ATG2A: variants seen among roughly 807,000 people sequenced by gnomAD.
ATG2A encodes the protein autophagy related 2A.
ATG2A carries 103 observed loss-of-function variants against 214.2 expected under a neutral mutation model. The observed-to-expected ratio is 0.48, with a 90% CI of 0.41 to 0.57. The LOEUF (loss-of-function observed/expected upper bound fraction) is 0.57. Among genes scored for constraint, ATG2A ranks in the 20% least tolerant of loss-of-function variants. ATG2A has a pLI of 0.00. For missense variants in ATG2A, 2,312 were observed against 2,613.2 expected (o/e 0.88, Z 2.51); for synonymous variants, 1,160 against 1,142.1 (o/e 1.02, Z -0.32).
Position 64,916,978 on chromosome 11 carries a change from T to C in ATG2A, c.158A>G (p.His53Arg). The C allele has an allele frequency of 6.2e-7, 1 of 1,613,488 alleles. No homozygotes were observed. ...CTGGCTCCTCACCCAGATTTCCAGG[T>C]GGATGTCTCGCAGGGCAACGCTGCC... The part of the protein sequence containing the change: ...YKGSVALRDI[H>R]LEIWSVNEVL... Residue 53 changes from histidine to arginine, a missense_variant, in exon 1 of 41, where the codon CAC (histidine) becomes CGC (arginine). Physicochemically the swap from His to Arg is conservative, Grantham distance 29 (BLOSUM62 0). Transcript: ENST00000377264.
intron 37 of ATG2A, 81 bp downstream of exon 37, chr11:64,897,331 C>G: frequency 1.3e-6 from 2 of 1,497,334 alleles, no homozygotes; most frequent in Non-Finnish European, 1.8e-6. Flanking sequence ...GATGACTTGG[C>G]CAAGGCCACA....
At position 64,895,063 on chromosome 11, in the gene ATG2A, G is replaced by C; in HGVS notation, c.5727C>G (p.Ser1909=). Residue 1909 remains serine (S), a synonymous_variant, in exon 41 of 41, where the codon TCC becomes TCG. Coordinates refer to ENST00000377264, the MANE Select transcript of ATG2A (RefSeq NM_015104.3). This position sits in a 1 kb window ranked among gnomAD's most constrained non-coding sequence, Gnocchi z 5.0. ...GGTTGCGCATGCCCCCGAGCAGGCT[G>C]GACGTGGCCTCCGTGGCCAGGATGA... The part of the protein sequence containing the change: ...KPLILATEAT[S]SLLGGMRNQI... The C allele has an allele frequency of 6.2e-7, 1 of 1,613,262 alleles. No homozygotes were observed. Among genetic ancestry groups the C allele is most frequent in the Non-Finnish European group, 8.5e-7 (1 of 1,179,794 alleles).
In ATG2A at chr11:64,897,699, T is replaced by G; in HGVS notation, c.5039A>C (p.His1680Pro). 6.2e-7 allele frequency: 1 copy of G among 1,614,208 alleles called. No individual in the cohort carries two copies. Among genetic ancestry groups the G allele is most frequent in the South Asian group, 1.1e-5 (1 of 91,084 alleles). The change falls in exon 36 of 41, where the codon CAT (histidine) becomes CCT (proline). Residue 1680 changes from histidine to proline, a missense_variant. By Grantham distance (77) the His-to-Pro change is moderately conservative. Coordinates refer to ENST00000377264, the MANE Select transcript of ATG2A (RefSeq NM_015104.3). ...CTGGTCCATCGTGACGTGCTTGCCA[T>G]GGTAATCCAGCCAGATGGGGACCTC... ...TSEVPIWLDYHGKHVTMDQVG... is the reference protein window; with the variant it reads ...TSEVPIWLDYPGKHVTMDQVG...
In ATG2A at chr11:64,895,812, A is replaced by G. The variant is rs1286059145; in HGVS notation, c.5428-370T>C. 6.6e-6 allele frequency among the ~76,000 whole-genome samples: 1 copy of G among 152,080 alleles called. No individual in the cohort carries two copies. Among genetic ancestry groups the G allele is most frequent in the Admixed American group, 6.6e-5 (1 of 15,266 alleles). ...CCAGACGCCCCTGCCAGATGGTCAG[A>G]GGCCCATCCTTCCTTCTGTCTGCCA... On this transcript the variant is annotated intron_variant, in intron 39 of 40. Transcript: ENST00000377264. This position sits in a 1 kb window ranked among gnomAD's most constrained non-coding sequence, Gnocchi z 5.0.
chr11:64,903,568 G>A lies in ATG2A; in HGVS notation c.3535+22C>T. The A allele has an allele frequency of 1.3e-6, 2 of 1,538,468 alleles. No homozygotes were observed. The highest frequency in any genetic ancestry group is 1.2e-5 in the South Asian group (1 of 83,128). Reference sequence around the variant, plus strand: ...GCGGTGGTCCCTCAGAGGGGAGGGAGCCCAGTCCCGGCCCTGCCCACCTCG... The same window carrying A: ...GCGGTGGTCCCTCAGAGGGGAGGGAACCCAGTCCCGGCCCTGCCCACCTCG... On this transcript the variant is annotated intron_variant, in intron 25 of 40. Transcript: ENST00000377264. This position sits in a 1 kb window ranked among gnomAD's most constrained non-coding sequence, Gnocchi z 4.2.
rs368967269 is a variant in ATG2A, at chr11:64,903,248, C to A, written c.3612+40G>T. On this transcript the variant is annotated intron_variant, in intron 26 of 40. Coordinates refer to ENST00000377264, the MANE Select transcript of ATG2A (RefSeq NM_015104.3). The surrounding 1 kb of genome is among the most constrained non-coding windows in gnomAD (Gnocchi z 4.2). ...CTGAAGACTCCCTTGGCCCCTGCACCTGCTGTGGCTCCAGGAGCCAGAGTG... is the reference window on the plus strand; with the variant it reads ...CTGAAGACTCCCTTGGCCCCTGCACATGCTGTGGCTCCAGGAGCCAGAGTG... The A allele has an allele frequency of 1.5e-5, 24 of 1,598,362 alleles. No homozygotes were observed. Among genetic ancestry groups the A allele is most frequent in the Non-Finnish European group, 2.0e-5 (23 of 1,166,700 alleles).
In ATG2A at chr11:64,912,436, G is replaced by T; in HGVS notation, c.826-13C>A. On this transcript the variant is annotated splice_polypyrimidine_tract_variant and intron_variant, in intron 6 of 40. Coordinates refer to ENST00000377264, the MANE Select transcript of ATG2A (RefSeq NM_015104.3). ...CCGCCACCTCCAACTGGGGGCCAAG[G>T]AGGCAGCCATGGAGCCTAGGCCCAC... 1 of 1,544,704 alleles carries T rather than the reference G, an allele frequency of 6.5e-7. No individual in the cohort carries two copies. Among genetic ancestry groups the T allele is most frequent in the Non-Finnish European group, 8.7e-7 (1 of 1,145,006 alleles).
Position 64,903,056 on chromosome 11 carries a change from G to A in ATG2A, c.3612+232C>T, listed in dbSNP as rs372953852. On this transcript the variant is annotated intron_variant, in intron 26 of 40. Transcript: ENST00000377264. The surrounding 1 kb of genome is among the most constrained non-coding windows in gnomAD (Gnocchi z 4.2). ...GCCTCGCTGGTGCCCTGGCTGCCGCGTCCTCTGGTGGCAGGGCTGAAACCC... is the reference window on the plus strand; with the variant it reads ...GCCTCGCTGGTGCCCTGGCTGCCGCATCCTCTGGTGGCAGGGCTGAAACCC... Among the ~76,000 whole-genome samples the A allele has an allele frequency of 6.6e-6, 1 of 152,164 alleles. No homozygotes were observed. The highest frequency in any genetic ancestry group is 6.5e-5 in the Admixed American group (1 of 15,278).
rs772487263 is a variant in ATG2A at position 64,912,254 on chromosome 11, A to G, written c.923-5T>C. The stretch of plus-strand genomic sequence containing the variant: ...TGTCAGCCAGGCCCTCGTGGTCTGC[A>G]GGGGAGGAGACTTCAGTCTGGGCTG... On this transcript the variant is annotated splice_polypyrimidine_tract_variant and splice_region_variant and intron_variant, in intron 7 of 40. Coordinates refer to ENST00000377264, the MANE Select transcript of ATG2A (RefSeq NM_015104.3). 6.2e-7 allele frequency: 1 copy of G among 1,611,990 alleles called. No homozygotes were observed. The highest frequency in any genetic ancestry group is 8.5e-7 in the Non-Finnish European group (1 of 1,178,776).
In ATG2A at chr11:64,897,660, G is replaced by T. The variant is rs560591536; in HGVS notation, c.5067+11C>A. The T allele has an allele frequency of 1.2e-6, 2 of 1,614,138 alleles. No individual in the cohort carries two copies. Among genetic ancestry groups the T allele is most frequent in the Non-Finnish European group, 1.7e-6 (2 of 1,180,006 alleles). On this transcript the variant is annotated intron_variant, in intron 36 of 40. Transcript: ENST00000377264. ...CCCCACATGGCCACCCCATCCGACC[G>T]CCCCACTTACCACCTGGTCCATCGT...
chr11:64,911,416 G>T (rs1944769646), intron 9 of ATG2A, 141 bp from the exon 10 acceptor site: 2 of 825,888 alleles, frequency 2.4e-6, no homozygotes, highest in African/African-American at 1.7e-5. Context: ...GGTCAGGCAG[G>T]GGTGACACTG....
Position 64,898,899 on chromosome 11 carries a change from G to A in ATG2A, c.4465-57C>T, listed in dbSNP as rs1944255360. The A allele has an allele frequency of 6.6e-7, 1 of 1,519,874 alleles. No individual in the cohort carries two copies. The highest frequency in any genetic ancestry group is 9.0e-7 in the Non-Finnish European group (1 of 1,116,262). 94.1% of individuals were successfully genotyped at this position (1,519,874 alleles called of 1,614,324 possible). A position where few individuals can be genotyped will look rare whatever the true frequency, so the allele number is the denominator to read the frequency against. On this transcript the variant is annotated intron_variant, in intron 31 of 40. Coordinates refer to ENST00000377264, the MANE Select transcript of ATG2A (RefSeq NM_015104.3). This position sits in a 1 kb window ranked among gnomAD's most constrained non-coding sequence, Gnocchi z 4.5. ...GCAGGGCCCCAAGAGGGAGGGAAGG[G>A]CTGGCCCCAGACCCCTTCTCTATTC...
In ATG2A at chr11:64,895,469, G is replaced by A. The variant is rs1944119699; in HGVS notation, c.5428-27C>T. On this transcript the variant is annotated intron_variant, in intron 39 of 40. Coordinates refer to ENST00000377264, the MANE Select transcript of ATG2A (RefSeq NM_015104.3). The surrounding 1 kb of genome is among the most constrained non-coding windows in gnomAD (Gnocchi z 5.0). The stretch of plus-strand genomic sequence containing the variant: ...TGGGGGACATGGGAGCACTGGATGA[G>A]GACAGCTGGCTGGGGCACACGTCAG... 3.3e-6 allele frequency: 5 copies of A among 1,522,214 alleles called. No homozygotes were observed. The highest frequency in any genetic ancestry group is 2.4e-5 in the East Asian group (1 of 42,232). 94.3% of individuals were successfully genotyped at this position (1,522,214 alleles called of 1,614,324 possible).
Position 64,901,968 on chromosome 11 carries a change from G to A in ATG2A, c.4113C>T (p.Gly1371=). 1 of 1,612,902 alleles carries A rather than the reference G, an allele frequency of 6.2e-7. No homozygotes were observed. The highest frequency in any genetic ancestry group is 8.5e-7 in the Non-Finnish European group (1 of 1,180,006). ...EFCILDAPGL[G]IPPRDGEPVV... ...CATCCCTCCCACCACGCACCGGGAT[G>A]CCCAGGCCGGGAGCATCAAGGATGC... The change falls in exon 29 of 41, where the codon GGC becomes GGT. Residue 1371 remains glycine, a synonymous_variant. Transcript: ENST00000377264.
rs778965014 is a variant in ATG2A, at chr11:64,898,889, G to GGAAGGGCCCCAA, written c.4465-48_4465-47insTTGGGGCCCTTC. On this transcript the variant is annotated intron_variant, in intron 31 of 40. Coordinates refer to ENST00000377264, the MANE Select transcript of ATG2A (RefSeq NM_015104.3). The surrounding 1 kb of genome is among the most constrained non-coding windows in gnomAD (Gnocchi z 4.5). ...GGCCAGGTAAGCAGGGCCCCAAGAG[G>GGAAGGGCCCCAA]GAGGGAAGGGCTGGCCCCAGACCCC... 28 of 1,560,618 alleles carry GGAAGGGCCCCAA rather than the reference G, an allele frequency of 1.8e-5. No individual in the cohort carries two copies. In the East Asian group the frequency reaches 6.1e-4, roughly 34 times the overall value.
Position 64,917,166 on chromosome 11 carries a change from G to A in ATG2A, c.-31C>T, listed in dbSNP as rs753586847. On this transcript the variant is annotated 5_prime_UTR_variant, in exon 1 of 41. Coordinates refer to ENST00000377264, the MANE Select transcript of ATG2A (RefSeq NM_015104.3). Reference sequence around the variant, plus strand: ...AGACCGCCGGGCCTGGGCCGCCTCCGCTTGCCGCCCGCCGGCGATCCCCGT... The same window carrying A: ...AGACCGCCGGGCCTGGGCCGCCTCCACTTGCCGCCCGCCGGCGATCCCCGT... 5.1e-6 allele frequency: 8 copies of A among 1,564,002 alleles called. No homozygotes were observed. In the African/African-American group the frequency reaches 9.6e-5, roughly 19 times the overall value.
In ATG2A at chr11:64,898,004, T is replaced by A; in HGVS notation, c.4859-30A>T. ...GGGAGGGGAGGTCACAGACTGGGGATGGGGCCAGGAATGACTGGGAACCTG... is the reference window on the plus strand; with the variant it reads ...GGGAGGGGAGGTCACAGACTGGGGAAGGGGCCAGGAATGACTGGGAACCTG... On this transcript the variant is annotated intron_variant, in intron 34 of 40. Transcript: ENST00000377264. This position sits in a 1 kb window ranked among gnomAD's most constrained non-coding sequence, Gnocchi z 4.5. The A allele has an allele frequency of 6.3e-7, 1 of 1,578,412 alleles. No homozygotes were observed. Among genetic ancestry groups the A allele is most frequent in the Admixed American group, 1.8e-5 (1 of 55,616 alleles).
chr11:64,912,835 C>T (rs1387293584), intron 6 of ATG2A: 13 of 532,386 alleles, frequency 2.4e-5, no homozygotes, highest in Non-Finnish European at 1.6e-5. Context: ...TCAGATGATC[C>T]ACCCACCTTG....
chr11:64,898,996 C>A lies in ATG2A; in HGVS notation c.4465-154G>T, dbSNP rs1483759028. 4.6e-5 allele frequency among the ~76,000 whole-genome samples: 7 copies of A among 152,206 alleles called. No homozygotes were observed. The highest frequency in any genetic ancestry group is 1.0e-4 in the Non-Finnish European group (7 of 68,026). On this transcript the variant is annotated intron_variant, in intron 31 of 40. Transcript: ENST00000377264. This position sits in a 1 kb window ranked among gnomAD's most constrained non-coding sequence, Gnocchi z 4.5. Reference sequence around the variant, plus strand: ...TGGCGTGATCTCGGCTCACTGCAACCTCTGCCTCTCGGGTTCAAGCGATTC... The same window carrying A: ...TGGCGTGATCTCGGCTCACTGCAACATCTGCCTCTCGGGTTCAAGCGATTC...
Sources: allele counts gnomAD v4.1 joint callset (sites outside exome capture counted in the v4.1 genomes callset), GRCh38; gene constraint gnomAD v4.1.1; non-coding constraint Gnocchi (gnomAD v3.1); transcripts MANE v1.5; gene names NCBI Gene and HGNC (gene_info 2026-07-23, HGNC 2026-07-21).